Variants in CORO6 observed in about 807,000 individuals in gnomAD.
CORO6 encodes the protein coronin 6, also known as coronin-6.
CORO6 carries 43 observed loss-of-function variants against 49.0 expected under a neutral mutation model. That is an observed-to-expected ratio of 0.88 (90% CI 0.69 to 1.13). The LOEUF (loss-of-function observed/expected upper bound fraction) is 1.13. CORO6 is among the 50% of genes most tolerant of loss of function. The pLI, the probability that CORO6 is intolerant of heterozygous loss-of-function variation, is 0.00. For synonymous variants in CORO6, 233 were observed against 256.5 expected (o/e 0.91, Z 0.88); for missense variants, 650 against 647.0 (o/e 1.00, Z -0.05).
chr17:29,617,949 T>C (rs1423268067), intron 5 of CORO6: 15 of 1,052,682 alleles, frequency 1.4e-5, no homozygotes, highest in Non-Finnish European at 1.7e-5. Flanking sequence ...AGCTCCCCGC[T>C]CCGCTCTGGC....
In CORO6 at chr17:29,619,691, T is replaced by A; in HGVS notation, c.281A>T (p.Asp94Val). Residue 94 changes from aspartate to valine, a missense_variant, in exon 3 of 11, where the codon GAC becomes GTC. Physicochemically the swap from Asp to Val is radical, Grantham distance 152. Coordinates refer to ENST00000388767, the MANE Select transcript of CORO6 (RefSeq NM_032854.4). Reference sequence around the variant, plus strand: ...GTCTGAGGCACTGGCGATAACGTTGTCATTGTGTGGACACCAGTCAATATC... The same window carrying A: ...GTCTGAGGCACTGGCGATAACGTTGACATTGTGTGGACACCAGTCAATATC... Reference protein sequence around the residue: ...VLDIDWCPHNDNVIASASDDT... With the variant: ...VLDIDWCPHNVNVIASASDDT... The A allele has an allele frequency of 6.2e-7, 1 of 1,613,760 alleles. No individual in the cohort carries two copies.
intron 5 of CORO6, chr17:29,618,008 A>G (rs1215860538): frequency 2.1e-6 from 3 of 1,433,326 alleles, no homozygotes; most frequent in African/African-American, 3.0e-5. Flanking sequence ...GCAGACCCAG[A>G]GAAGGAGCGA....
rs1188227511 is a variant in CORO6 at position 29,618,707 on chromosome 17, G to C, written c.633+83C>G. Reference sequence around the variant, plus strand: ...CGACAGGTGAAAGCCGGGACCAGGGGCTCTGATAATGGTGGGTACAAGGGT... The same window carrying C: ...CGACAGGTGAAAGCCGGGACCAGGGCCTCTGATAATGGTGGGTACAAGGGT... On this transcript the variant is annotated intron_variant, in intron 5 of 10. Transcript: ENST00000388767. 1.1e-5 allele frequency: 17 copies of C among 1,500,336 alleles called. No individual in the cohort carries two copies. In the South Asian group the frequency reaches 1.9e-4, roughly 17 times the overall value. 92.9% of individuals were successfully genotyped at this position (1,500,336 alleles called of 1,614,324 possible). A position where few individuals can be genotyped will look rare whatever the true frequency, so the allele number is the denominator to read the frequency against.
chr17:29,617,531 A>C lies in CORO6; in HGVS notation c.722T>G (p.Met241Arg). The part of the protein sequence containing the change: ...GHIFTTGFTR[M>R]SQRELGLWDP... ...CCACAGGCCCAGCTCTCGCTGGCTC[A>C]TGCGGGTGAAGCCCGTGGTGAAGAT... is the stretch of plus-strand genomic sequence containing the variant. Residue 241 changes from methionine to arginine, a missense_variant, in exon 6 of 11, where the codon ATG (methionine) becomes AGG (arginine). By Grantham distance (91) the Met-to-Arg change is moderately conservative. Transcript: ENST00000388767. 1.2e-6 allele frequency: 2 copies of C among 1,611,272 alleles called. No homozygotes were observed. Among genetic ancestry groups the C allele is most frequent in the Non-Finnish European group, 1.7e-6 (2 of 1,179,764 alleles).
rs1454375218 is a variant in CORO6 at position 29,617,410 on chromosome 17, G to A, written c.753+90C>T. On this transcript the variant is annotated intron_variant, in intron 6 of 10. Coordinates refer to ENST00000388767, the MANE Select transcript of CORO6 (RefSeq NM_032854.4). Reference sequence around the variant, plus strand: ...GGCAGCAGCCTTCAGTCCTGTCCAGGTGGGCATGCCCTGCGGGTGGGGGGC... The same window carrying A: ...GGCAGCAGCCTTCAGTCCTGTCCAGATGGGCATGCCCTGCGGGTGGGGGGC... The A allele has an allele frequency of 1.2e-5, 18 of 1,551,282 alleles. No homozygotes were observed. The South Asian group carries it at 1.6e-4, about 13-fold the overall frequency.
Position 29,616,244 on chromosome 17 carries a change from C to T in CORO6, c.1062+35G>A. The T allele has an allele frequency of 1.9e-6, 3 of 1,610,834 alleles. No individual in the cohort carries two copies. Among genetic ancestry groups the T allele is most frequent in the Non-Finnish European group, 1.7e-6 (2 of 1,178,470 alleles). ...GGGCTTGCTCCGCTCCCTTCCGCCT[C>T]GTAGCCCTGCCCAACCCTTCTCCCG... is the stretch of plus-strand genomic sequence containing the variant. On this transcript the variant is annotated intron_variant, in intron 9 of 10. Transcript: ENST00000388767. The surrounding 1 kb of genome is among the most constrained non-coding windows in gnomAD (Gnocchi z 5.6).
rs766672965 is a variant in CORO6 at position 29,616,791 on chromosome 17, G to A, written c.915C>T (p.Tyr305=). 1.9e-6 allele frequency: 3 copies of A among 1,613,890 alleles called. No homozygotes were observed. The highest frequency in any genetic ancestry group is 2.5e-6 in the Non-Finnish European group (3 of 1,179,964). The change falls in exon 8 of 11, where the codon TAC becomes TAT. Residue 305 remains tyrosine, a synonymous_variant. Transcript: ENST00000388767. The surrounding 1 kb of genome is among the most constrained non-coding windows in gnomAD (Gnocchi z 5.6). The part of the protein sequence containing the change: ...EITDEPPFVH[Y]LNTFSSKEPQ... The stretch of plus-strand genomic sequence containing the variant: ...GCTCTTTGCTGCTGAACGTGTTCAG[G>A]TAGTGCACGAAAGGCGGCTCGTCGG...
rs1278389532 is a variant in CORO6, at chr17:29,615,313, TGTC to T, written c.*416_*418del. ...CCAGTGAGCTGATTAGGAGAAGCGCTGTCATTTTCCCCAGCCTGGGGGTACCCA... is the reference window on the plus strand; with the variant it reads ...CCAGTGAGCTGATTAGGAGAAGCGCTATTTTCCCCAGCCTGGGGGTACCCA... On this transcript the variant is annotated 3_prime_UTR_variant, in exon 11 of 11. Transcript: ENST00000388767. 1 of 164,842 alleles carries T rather than the reference TGTC, an allele frequency of 6.1e-6. No individual in the cohort carries two copies. Among genetic ancestry groups the T allele is most frequent in the Non-Finnish European group, 1.3e-5 (1 of 76,286 alleles). 10.2% of individuals were successfully genotyped at this position (164,842 alleles called of 1,614,324 possible).
intron 5 of CORO6, chr17:29,617,964 T>C (rs2035079105): frequency 2.5e-6 from 3 of 1,200,602 alleles, no homozygotes; most frequent in Admixed American, 6.5e-5. Context: ...TCTGGCCTCT[T>C]GGGCGCCAGC....
At chr17:29,618,011 A>C in intron 5 of CORO6, 2 of 1,438,674 alleles carry the variant, frequency 1.4e-6, no homozygotes. Flanking sequence ...GACCCAGAGA[A>C]GGAGCGAGCT....
rs745920369 is a variant in CORO6, at chr17:29,617,567, C to G, written c.686G>C (p.Arg229Pro). 3 of 1,608,686 alleles carry G rather than the reference C, an allele frequency of 1.9e-6. No individual in the cohort carries two copies. Among genetic ancestry groups the G allele is most frequent in the Admixed American group, 1.7e-5 (1 of 59,586 alleles). Residue 229 changes from arginine to proline, a missense_variant, in exon 6 of 11, where the codon CGC becomes CCC. Physicochemically the swap from Arg to Pro is moderately radical, Grantham distance 103. Transcript: ENST00000388767. ...GMRPMRAVFT[R>P]QGHIFTTGFT... ...GCCCGTGGTGAAGATATGGCCCTGG[C>G]GCGTGAAGACGGCCCGCATGGGCCT...
At position 29,615,630 on chromosome 17, in the gene CORO6, C is replaced by G; in HGVS notation, c.*102G>C. On this transcript the variant is annotated 3_prime_UTR_variant, in exon 11 of 11. Transcript: ENST00000388767. ...GGAGTTCCCTCCCCAGTCCCGCCCCCGGGCCCAGCCCAAGAAGGCGGGGTC... is the reference window on the plus strand; with the variant it reads ...GGAGTTCCCTCCCCAGTCCCGCCCCGGGGCCCAGCCCAAGAAGGCGGGGTC... 7.6e-7 allele frequency: 1 copy of G among 1,309,852 alleles called. No individual in the cohort carries two copies. Among genetic ancestry groups the G allele is most frequent in the Non-Finnish European group, 1.0e-6 (1 of 992,646 alleles). 81.1% of individuals were successfully genotyped at this position (1,309,852 alleles called of 1,614,324 possible).
intron 6 of CORO6, 107 bp downstream of exon 6, chr17:29,617,393 C>A (rs1598636809): frequency 6.5e-7 from 1 of 1,543,390 alleles, no homozygotes; most frequent in Non-Finnish European, 8.7e-7. Flanking sequence ...GTGGCAGCAG[C>A]CTTCAGTCCT....
At chr17:29,617,997 G>T (rs2035082286) in intron 5 of CORO6, 3 of 1,395,482 alleles carry the variant, frequency 2.1e-6, no homozygotes, top group African/African-American at 3.0e-5. Flanking sequence ...AGGCGCTCCC[G>T]GCAGACCCAG....
chr17:29,622,318 G>A (rs1345160878), intron 1 of CORO6: 2 of 154,704 alleles, frequency 1.3e-5, no homozygotes, highest in Admixed American at 1.3e-4. Context: ...GGAGGGTGAG[G>A]TGCCTTTTCT....
chr17:29,617,774 G>T (rs541124891), intron 5 of CORO6, 155 bp from the exon 6 acceptor site: 3 of 855,426 alleles, frequency 3.5e-6, no homozygotes, highest in Non-Finnish European at 3.5e-6. Flanking sequence ...GCTTCCTGCG[G>T]GGCCACGTCT....
intron 3 of CORO6, among the ~76,000 whole-genome samples, 154 bp from the exon 4 acceptor site, chr17:29,619,343 C>G (rs2035187900): frequency 6.6e-6 from 1 of 151,992 alleles, no homozygotes; most frequent in African/African-American, 2.4e-5. Context: ...AGAACAGAAG[C>G]AGCTGGGAGC....
In CORO6 at chr17:29,621,271, C is replaced by T. The variant is rs763109169; in HGVS notation, c.151G>A (p.Val51Met). The change falls in exon 2 of 11, where the codon GTG (valine) becomes ATG (methionine). Residue 51 changes from valine (V) to methionine (M), a missense_variant. Coordinates refer to ENST00000388767, the MANE Select transcript of CORO6 (RefSeq NM_032854.4). The surrounding 1 kb of genome is among the most constrained non-coding windows in gnomAD (Gnocchi z 4.2). ...AAGGCACCCCCGCCTCCAGCCTCCA[C>T]AATAATGGCCAGGAATTTGGGGTTG... is the stretch of plus-strand genomic sequence containing the variant. ...AVNPKFLAII[V>M]EAGGGGAFIV... is the part of the protein sequence containing the mutation. 4 of 1,614,194 alleles carry T rather than the reference C, an allele frequency of 2.5e-6. No individual in the cohort carries two copies. Among genetic ancestry groups the T allele is most frequent in the Admixed American group, 1.7e-5 (1 of 60,028 alleles).
At chr17:29,618,513 T>G in intron 5 of CORO6, 1 of 1,321,008 alleles carries the variant, frequency 7.6e-7, no homozygotes, top group Non-Finnish European at 9.6e-7. Context: ...AGTTTCCAGC[T>G]TCTCCCCTCC....
Sources: allele counts gnomAD v4.1 joint callset (sites outside exome capture counted in the v4.1 genomes callset), GRCh38; gene constraint gnomAD v4.1.1; non-coding constraint Gnocchi (gnomAD v3.1); transcripts MANE v1.5; gene names NCBI Gene and HGNC (gene_info 2026-07-23, HGNC 2026-07-21).